Variants in COG2 observed in about 807,000 individuals in gnomAD.
COG2 encodes component of oligomeric golgi complex 2, also known as conserved oligomeric Golgi complex subunit 2.
Under a neutral mutation model 90.6 loss-of-function variants are expected in COG2, and 52 were observed. That is an observed-to-expected ratio of 0.57 (90% confidence interval 0.46 to 0.72). COG2 has a LOEUF of 0.72. COG2 is among the 30% of genes least tolerant of loss of function. The pLI is 0.00. For synonymous variants in COG2, 337 were observed against 320.4 expected, an observed-to-expected ratio of 1.05 and a Z score of -0.55; for missense variants, 829 against 891.2, an observed-to-expected ratio of 0.93 and a Z score of 0.89.
intron 17 of COG2, among the ~76,000 whole-genome samples, chr1:230,692,725 C>A (rs1663062954): frequency 7.7e-6 from 1 of 130,208 alleles, no homozygotes. Flanking sequence ...CCGGATCTTT[C>A]TCTGTGCGTG....
chr1:230,683,559 T>A lies in COG2; in HGVS notation c.1167-15T>A. On this transcript the variant is annotated splice_polypyrimidine_tract_variant and intron_variant, in intron 10 of 17. Transcript: ENST00000366669. ...GAGTCATAAACATTAATTCTTCTTC[T>A]TGTTTTTATCTCAGATTTAGAGAAA... 1 of 1,590,818 alleles carries A rather than the reference T, an allele frequency of 6.3e-7. No individual in the cohort carries two copies. Among genetic ancestry groups the A allele is most frequent in the Non-Finnish European group, 8.6e-7 (1 of 1,159,250 alleles).
chr1:230,692,692 A>G (rs1410142), intron 17 of COG2, among the ~76,000 whole-genome samples: 47,768 of 151,954 alleles, frequency 0.31, 8,509 homozygotes, highest in East Asian at 0.59. Context: ...CAAAATGCTG[A>G]CAGAGACTTG....
intron 1 of COG2, among the ~76,000 whole-genome samples, chr1:230,657,619 C>A (rs936062416): frequency 6.6e-6 from 1 of 152,128 alleles, no homozygotes; most frequent in African/African-American, 2.4e-5. Flanking sequence ...ACCTGTCTTG[C>A]TAGGTTGGGG....
chr1:230,645,811 G>C (rs1385518153), intron 1 of COG2, among the ~76,000 whole-genome samples: 1 of 152,126 alleles, frequency 6.6e-6, no homozygotes, highest in Non-Finnish European at 1.5e-5. Flanking sequence ...TTTTCATAAG[G>C]AGTGCCTAAC....
intron 7 of COG2, chr1:230,670,476 T>C (rs1397815563): frequency 3.3e-5 from 5 of 152,240 alleles, no homozygotes; most frequent in African/African-American, 1.2e-4. Flanking sequence ...GGACTCATTT[T>C]AATAATTATT....
intron 5 of COG2, 85 bp from the exon 6 acceptor site, chr1:230,668,591 A>C (rs990911254): frequency 3.0e-5 from 23 of 770,740 alleles, no homozygotes; most frequent in Non-Finnish European, 4.8e-5. Flanking sequence ...TGGGTATGAA[A>C]GTCTCTCACT....
chr1:230,658,187 C>G (rs1662108225), intron 1 of COG2, among the ~76,000 whole-genome samples: 1 of 152,142 alleles, frequency 6.6e-6, no homozygotes, highest in Non-Finnish European at 1.5e-5. Flanking sequence ...GTGCTGGTTT[C>G]TCCCCATCTT....
intron 12 of COG2, 131 bp from the exon 13 acceptor site, chr1:230,686,804 T>C: frequency 4.2e-6 from 2 of 481,764 alleles, no homozygotes; most frequent in Middle Eastern, 3.0e-4. Context: ...CTTTTATTAG[T>C]AAGTTTTTAC....
intron 1 of COG2, among the ~76,000 whole-genome samples, chr1:230,645,492 G>C (rs1661748223): frequency 6.6e-6 from 1 of 152,064 alleles, no homozygotes; most frequent in Admixed American, 6.5e-5. Context: ...CCTCGTTCTT[G>C]CATTTGTACC....
intron 1 of COG2, among the ~76,000 whole-genome samples, chr1:230,647,685 A>G (rs1225724759): frequency 6.6e-6 from 1 of 152,186 alleles, no homozygotes; most frequent in South Asian, 2.1e-4. Context: ...AAAATCTGCA[A>G]ATGCTCAAGA....
chr1:230,693,135 A>G (rs560562369), intron 17 of COG2, among the ~76,000 whole-genome samples, 157 bp from the exon 18 acceptor site: 1 of 152,296 alleles, frequency 6.6e-6, no homozygotes, highest in Non-Finnish European at 1.5e-5. Flanking sequence ...ACATTTTACA[A>G]CAAGTAAATC....
chr1:230,684,937 T>TGC, intron 11 of COG2, 148 bp from the exon 12 acceptor site: 2 of 851,080 alleles, frequency 2.3e-6, no homozygotes, highest in Non-Finnish European at 3.6e-6. Context: ...GTCATCCCTG[T>TGC]GCCTCCAACA....
In COG2 at chr1:230,642,504, T is replaced by C. The variant is rs1418211591; in HGVS notation, c.-103T>C. On this transcript the variant is annotated 5_prime_UTR_variant, in exon 1 of 18. Transcript: ENST00000366669. ...CCATGTTGGCGGAAGCGGACCCCCC[T>C]GTGCCGTGGAAACTGGCGGTGGCCG... is the stretch of plus-strand genomic sequence containing the variant. 8.7e-6 allele frequency: 10 copies of C among 1,144,020 alleles called. No homozygotes were observed. The highest frequency in any genetic ancestry group is 2.0e-4 in the Middle Eastern group (1 of 4,920). 70.9% of individuals were successfully genotyped at this position (1,144,020 alleles called of 1,614,324 possible).
intron 1 of COG2, among the ~76,000 whole-genome samples, chr1:230,647,126 T>C (rs1364493847): frequency 1.3e-5 from 2 of 152,170 alleles, no homozygotes; most frequent in African/African-American, 4.8e-5. Context: ...GTATACACCA[T>C]GAAAACATGA....
Position 230,688,047 on chromosome 1 carries a change from A to G in COG2, c.1579-24A>G, listed in dbSNP as rs6656060. 3.1e-3 allele frequency: 4,669 copies of G among 1,503,914 alleles called. 125 individuals are homozygous for G. The African/African-American group carries it at 0.059, about 19-fold the overall frequency. 93.2% of individuals were successfully genotyped at this position (1,503,914 alleles called of 1,614,324 possible). A position where few individuals can be genotyped will look rare whatever the true frequency, so the allele number is the denominator to read the frequency against. Reference sequence around the variant, plus strand: ...TTTGATTTATAAAAAGTAACTGAATATATAAAGTGCATATTTATTTCAGCT... The same window carrying G: ...TTTGATTTATAAAAAGTAACTGAATGTATAAAGTGCATATTTATTTCAGCT... On this transcript the variant is annotated intron_variant, in intron 13 of 17. Transcript: ENST00000366669.
At chr1:230,688,316 C>G in intron 14 of COG2, 104 bp from the exon 15 acceptor site, 2 of 1,405,898 alleles carry the variant, frequency 1.4e-6, no homozygotes, top group Non-Finnish European at 2.0e-6. Flanking sequence ...TTCATTTGAT[C>G]TGATTTATTA....
At chr1:230,685,826 G>T (rs1010118097) in intron 12 of COG2, among the ~76,000 whole-genome samples, 1 of 152,184 alleles carries the variant, frequency 6.6e-6, no homozygotes, top group Admixed American at 6.5e-5. Flanking sequence ...GGTCCTTGCT[G>T]GGACCTCGGA....
intron 3 of COG2, among the ~76,000 whole-genome samples, chr1:230,662,855 T>C (rs1662216499): frequency 6.6e-6 from 1 of 152,210 alleles, no homozygotes; most frequent in African/African-American, 2.4e-5. Flanking sequence ...GACACCCTTA[T>C]ACTTTGACTC....
At chr1:230,681,545 GTAT>G (rs1314446721) in intron 10 of COG2, 1 of 152,198 alleles carries the variant, frequency 6.6e-6, no homozygotes, top group Non-Finnish European at 1.5e-5. Flanking sequence ...TTTTATTTAA[GTAT>G]TATTGTAGAC....
Sources: gnomAD v4.1 joint callset for allele counts (sites outside exome capture counted in the v4.1 genomes callset) on GRCh38, gnomAD v4.1.1 for gene constraint, MANE v1.5 for transcripts, NCBI Gene and HGNC (gene_info 2026-07-23, HGNC 2026-07-21) for gene names.